ASTN2: variants seen among roughly 807,000 people sequenced by gnomAD.
The protein encoded by ASTN2 is astrotactin-2.
Under a neutral mutation model 139.8 loss-of-function variants are expected in ASTN2, and 54 were observed. That is an observed-to-expected ratio of 0.39 (90% CI 0.31 to 0.48). ASTN2 has a LOEUF of 0.48. ASTN2 is among the 20% of genes least tolerant of loss of function. ASTN2 has a pLI of 0.95. For missense variants in ASTN2, 1,565 were observed against 1,725.1 expected, an observed-to-expected ratio of 0.91 and a Z score of 1.64; for synonymous variants, 756 against 719.5, an observed-to-expected ratio of 1.05 and a Z score of -0.81.
chr9:116,527,325 T>A (rs1215360188), intron 19 of ASTN2, among the ~76,000 whole-genome samples: 2 of 151,912 alleles, frequency 1.3e-5, no homozygotes. Flanking sequence ...TTTCAAAAAC[T>A]TAGTAAGAAA....
At chr9:116,934,744 T>C (rs1211579810) in intron 10 of ASTN2, among the ~76,000 whole-genome samples, 1 of 152,232 alleles carries the variant, frequency 6.6e-6, no homozygotes, top group Non-Finnish European at 1.5e-5. Flanking sequence ...AAACCTGTAC[T>C]TGTACCCTTG....
chr9:117,365,328 AG>A (rs1829813709), intron 1 of ASTN2, among the ~76,000 whole-genome samples: 1 of 151,852 alleles, frequency 6.6e-6, no homozygotes, highest in African/African-American at 2.4e-5. Context: ...AAAGAAAGAA[AG>A]AAAGAAAGAG....
intron 13 of ASTN2, among the ~76,000 whole-genome samples, chr9:116,782,105 G>A (rs1461940565): frequency 6.6e-6 from 1 of 152,108 alleles, no homozygotes; most frequent in Non-Finnish European, 1.5e-5. Flanking sequence ...TACAGTTTGG[G>A]GAAGGGAGAG....
At chr9:117,156,181 C>G (rs1042521434) in intron 3 of ASTN2, among the ~76,000 whole-genome samples, 1 of 152,022 alleles carries the variant, frequency 6.6e-6, no homozygotes, top group Non-Finnish European at 1.5e-5. Flanking sequence ...CCAGGCTCCA[C>G]GATGCATGCA....
At chr9:116,574,148 C>T (rs1853632253) in intron 19 of ASTN2, among the ~76,000 whole-genome samples, 1 of 152,122 alleles carries the variant, frequency 6.6e-6, no homozygotes, top group African/African-American at 2.4e-5. Context: ...TATTTTCTGC[C>T]TTGTGAGCCA....
chr9:116,573,961 A>T (rs1439674908), intron 19 of ASTN2, among the ~76,000 whole-genome samples: 1 of 152,220 alleles, frequency 6.6e-6, no homozygotes, highest in Admixed American at 6.5e-5. Flanking sequence ...AACATGGTAT[A>T]AAAAATGTGG....
intron 10 of ASTN2, among the ~76,000 whole-genome samples, chr9:116,868,092 C>T (rs1020935951): frequency 6.6e-6 from 1 of 152,090 alleles, no homozygotes; most frequent in East Asian, 1.9e-4. Flanking sequence ...CCTGGGGTAT[C>T]AGGATACCAG....
intron 7 of ASTN2, among the ~76,000 whole-genome samples, chr9:116,978,726 C>T (rs892869810): frequency 6.6e-6 from 1 of 151,704 alleles, no homozygotes; most frequent in Non-Finnish European, 1.5e-5. Flanking sequence ...ATATCACATG[C>T]CAGAATTTAG....
chr9:116,571,852 T>C (rs1853531740), intron 19 of ASTN2, among the ~76,000 whole-genome samples: 1 of 152,184 alleles, frequency 6.6e-6, no homozygotes, highest in Non-Finnish European at 1.5e-5. Flanking sequence ...CTGCCTTTCG[T>C]TGGCTGCACA....
At chr9:116,444,191 G>A (rs1847920544) in intron 20 of ASTN2, among the ~76,000 whole-genome samples, 1 of 152,044 alleles carries the variant, frequency 6.6e-6, no homozygotes, top group Admixed American at 6.6e-5. Flanking sequence ...TTAAACCTTG[G>A]TTTCTCAGAC....
chr9:116,742,402 G>A (rs1829118614), intron 13 of ASTN2, among the ~76,000 whole-genome samples: 1 of 152,064 alleles, frequency 6.6e-6, no homozygotes, highest in Non-Finnish European at 1.5e-5. Context: ...AATTGTTGAA[G>A]AGGAAAGTCA....
intron 19 of ASTN2, among the ~76,000 whole-genome samples, chr9:116,567,435 G>T (rs935177187): frequency 6.6e-6 from 1 of 152,300 alleles, no homozygotes; most frequent in East Asian, 1.9e-4. Context: ...AGCCTATTCT[G>T]GGAAGTCTCT....
At chr9:116,561,847 C>T (rs532061201) in intron 19 of ASTN2, among the ~76,000 whole-genome samples, 1 of 152,362 alleles carries the variant, frequency 6.6e-6, no homozygotes, top group African/African-American at 2.4e-5. Flanking sequence ...CTCCACTGGC[C>T]TGGGACATAG....
intron 19 of ASTN2, chr9:116,585,982 G>A (rs1854130183): frequency 6.6e-6 from 1 of 152,016 alleles, no homozygotes; most frequent in Non-Finnish European, 1.5e-5. Flanking sequence ...AAAAAAATGG[G>A]CAAAAGACAT....
chr9:116,884,803 G>C (rs866167210), intron 10 of ASTN2, among the ~76,000 whole-genome samples: 1,325 of 69,154 alleles, frequency 0.019, 24 homozygotes, highest in Non-Finnish European at 0.027. Context: ...CCAAATATCC[G>C]CCCCCCCCCC....
At chr9:117,264,170 A>G (rs1025486902) in intron 2 of ASTN2, among the ~76,000 whole-genome samples, 1 of 152,136 alleles carries the variant, frequency 6.6e-6, no homozygotes, top group African/African-American at 2.4e-5. Context: ...TAAAATCTAC[A>G]ATTTTTTTTT....
rs1847276799 is a variant in ASTN2 at position 116,425,482 on chromosome 9, G to A, written c.*369C>T. On this transcript the variant is annotated 3_prime_UTR_variant, in exon 23 of 23. Transcript: ENST00000313400. ...CATAGGTCTCCTCCAGGGGTCCATG[G>A]CAGGAAGAAAGCAGAGTGTGGCAGG... 3 of 1,367,034 alleles carry A rather than the reference G, an allele frequency of 2.2e-6. No homozygotes were observed. Among genetic ancestry groups the A allele is most frequent in the Middle Eastern group, 3.6e-4 (2 of 5,508 alleles). 84.7% of individuals were successfully genotyped at this position (1,367,034 alleles called of 1,614,324 possible). A position where few individuals can be genotyped will look rare whatever the true frequency, so the allele number is the denominator to read the frequency against.
At chr9:116,686,661 C>A in intron 16 of ASTN2, 6 of 1,544,274 alleles carry the variant, frequency 3.9e-6, no homozygotes, top group East Asian at 2.4e-5. Context: ...CACCTTCACC[C>A]GAGCAAAACT....
chr9:117,377,145 G>A (rs1430374372), intron 1 of ASTN2, among the ~76,000 whole-genome samples: 1 of 152,188 alleles, frequency 6.6e-6, no homozygotes. Flanking sequence ...GAGGTCTTTT[G>A]AACTCCTCGG....
Sources: allele counts gnomAD v4.1 joint callset (sites outside exome capture counted in the v4.1 genomes callset), GRCh38; gene constraint gnomAD v4.1.1; transcripts MANE v1.5; gene names NCBI Gene and HGNC (gene_info 2026-07-23, HGNC 2026-07-21).